Variants in TMEM165 observed in about 807,000 individuals in gnomAD.
TMEM165 encodes the protein transmembrane protein 165.
Under a neutral mutation model 30.0 loss-of-function variants are expected in TMEM165, and 19 were observed. That is an observed-to-expected ratio of 0.63 (90% CI 0.44 to 0.93). The LOEUF is 0.93. Among genes scored for constraint, TMEM165 ranks in the 40% least tolerant of loss-of-function variants. The pLI, the probability that TMEM165 is intolerant of heterozygous loss-of-function variation, is 0.00. For missense variants in TMEM165, 340 were observed against 417.0 expected, an observed-to-expected ratio of 0.82 and a Z score of 1.61; for synonymous variants, 168 against 162.9, an observed-to-expected ratio of 1.03 and a Z score of -0.24.
chr4:55,411,544 T>C, intron 1 of TMEM165, 70 bp from the exon 2 acceptor site: 1 of 1,404,160 alleles, frequency 7.1e-7, no homozygotes, highest in Non-Finnish European at 9.7e-7. Flanking sequence ...AAAAACTAAA[T>C]CTTATTTACG....
intron 1 of TMEM165, among the ~76,000 whole-genome samples, chr4:55,401,830 A>G (rs975083582): frequency 2.7e-5 from 4 of 150,130 alleles, no homozygotes; most frequent in Admixed American, 6.6e-5. Context: ...AATAAAATCA[A>G]TGAAGGCCGG....
chr4:55,450,045 A>T, intron 3 of TMEM165: 1 of 1,599,356 alleles, frequency 6.3e-7, no homozygotes, highest in Non-Finnish European at 8.6e-7. Flanking sequence ...CTAAAAGTTT[A>T]GTTAGTTACT....
chr4:55,437,603 T>A (rs185799035), intron 3 of TMEM165, among the ~76,000 whole-genome samples: 5 of 152,328 alleles, frequency 3.3e-5, no homozygotes, highest in Non-Finnish European at 5.9e-5. Context: ...CCATGTGCCT[T>A]GTCTTATATT....
intron 4 of TMEM165, among the ~76,000 whole-genome samples, chr4:55,420,394 T>G (rs968486953): frequency 4.9e-4 from 74 of 151,702 alleles, no homozygotes; most frequent in Admixed American, 4.4e-3. Context: ...GACACCCTGG[T>G]CCATTCTAGC....
chr4:55,407,139 T>C (rs1721303529), intron 1 of TMEM165, among the ~76,000 whole-genome samples: 1 of 152,200 alleles, frequency 6.6e-6, no homozygotes, highest in Non-Finnish European at 1.5e-5. Context: ...CATTAAGAGC[T>C]GGAGTTGCTG....
intron 1 of TMEM165, among the ~76,000 whole-genome samples, chr4:55,400,215 A>ATT (rs1720899694): frequency 6.0e-5 from 1 of 16,640 alleles, no homozygotes; most frequent in East Asian, 0.013. Flanking sequence ...TTATATTTAT[A>ATT]TTATATATTA....
intron 1 of TMEM165, chr4:55,399,082 A>G (rs1273069787): frequency 2.0e-5 from 3 of 152,206 alleles, no homozygotes; most frequent in Admixed American, 6.5e-5. Flanking sequence ...GGACTCTTAT[A>G]AAGTTTTTTT....
intron 3 of TMEM165, among the ~76,000 whole-genome samples, chr4:55,446,242 T>C (rs1246637346): frequency 6.6e-6 from 1 of 151,858 alleles, no homozygotes; most frequent in African/African-American, 2.4e-5. Context: ...TACAGGCATA[T>C]GCCACCATGC....
chr4:55,420,098 G>GAAAAAAAAAAAAAAAAAAAAA (rs370641089), intron 4 of TMEM165, among the ~76,000 whole-genome samples: 1 of 43,776 alleles, frequency 2.3e-5, no homozygotes, highest in Non-Finnish European at 5.2e-5. Context: ...ACTATCTTAA[G>GAAAAAAAAAAAAAAAAAAAAA]AAAAAAAAAT....
chr4:55,450,279 A>G (rs201482489), intron 3 of TMEM165: 2 of 1,611,244 alleles, frequency 1.2e-6, no homozygotes, highest in African/African-American at 1.3e-5. Context: ...TTCAGTTCAG[A>G]GATCTCAAAT....
At position 55,411,848 on chromosome 4, in the gene TMEM165, G is replaced by A; in HGVS notation, c.433+9G>A. On this transcript the variant is annotated intron_variant, in intron 2 of 5. Coordinates refer to ENST00000381334, the MANE Select transcript of TMEM165 (RefSeq NM_018475.5). ...AATGACATGCTTGTCAGGTGAGTGTGCTTTTCCCTCTCATGAGTTCGCTGA... is the reference window on the plus strand; with the variant it reads ...AATGACATGCTTGTCAGGTGAGTGTACTTTTCCCTCTCATGAGTTCGCTGA... 6.2e-7 allele frequency: 1 copy of A among 1,613,590 alleles called. No individual in the cohort carries two copies. The highest frequency in any genetic ancestry group is 8.5e-7 in the Non-Finnish European group (1 of 1,179,526).
chr4:55,423,610 A>G (rs1422098079), intron 4 of TMEM165: 1 of 152,184 alleles, frequency 6.6e-6, no homozygotes. Flanking sequence ...TTTTGTAGAG[A>G]CAAGGTCTCA....
chr4:55,451,615 ATT>A, intron 3 of TMEM165, among the ~76,000 whole-genome samples: 1 of 152,328 alleles, frequency 6.6e-6, no homozygotes, highest in South Asian at 2.1e-4. Context: ...GCTGGTGTGT[ATT>A]TTGGAAACAG....
At chr4:55,443,374 T>C (rs962751403) in intron 3 of TMEM165, among the ~76,000 whole-genome samples, 1 of 150,544 alleles carries the variant, frequency 6.6e-6, no homozygotes, top group Non-Finnish European at 1.5e-5. Flanking sequence ...ACTCGGGAGG[T>C]TGGGGCAGGA....
At chr4:55,416,497 G>A (rs1164468136) in intron 2 of TMEM165, among the ~76,000 whole-genome samples, 1 of 151,794 alleles carries the variant, frequency 6.6e-6, no homozygotes, top group African/African-American at 2.4e-5. Flanking sequence ...TGAGCCTGTT[G>A]TAACATTATT....
At chr4:55,444,253 T>C (rs12647677) in intron 3 of TMEM165, among the ~76,000 whole-genome samples, 51,355 of 152,054 alleles carry the variant, frequency 0.34, 9,373 homozygotes, top group East Asian at 0.58. Flanking sequence ...GTTGGTCATA[T>C]AAGACTAATT....
In TMEM165 at chr4:55,425,495, T is replaced by G. The variant is rs1560399368; in HGVS notation, c.*43T>G. On this transcript the variant is annotated 3_prime_UTR_variant, in exon 6 of 6. Coordinates refer to ENST00000381334, the MANE Select transcript of TMEM165 (RefSeq NM_018475.5). The stretch of plus-strand genomic sequence containing the variant: ...TATATTTAGTTTAAAATAGGTAGTA[T>G]TATCTTTCTGTACATAGTGTACATT... 13 of 1,450,820 alleles carry G rather than the reference T, an allele frequency of 9.0e-6. No homozygotes were observed. Among genetic ancestry groups the G allele is most frequent in the Middle Eastern group, 1.7e-4 (1 of 5,752 alleles). The allele number at this position is 1,450,820 out of a possible 1,614,324, so 89.9% of individuals were successfully genotyped here.
At chr4:55,416,980 T>A in intron 2 of TMEM165, 92 bp from the exon 3 acceptor site, 1 of 1,165,572 alleles carries the variant, frequency 8.6e-7, no homozygotes, top group Non-Finnish European at 1.2e-6. Flanking sequence ...CATTTTTCTT[T>A]TAACAGTGAT....
chr4:55,441,554 A>G (rs771348336), intron 3 of TMEM165, among the ~76,000 whole-genome samples: 4 of 152,222 alleles, frequency 2.6e-5, no homozygotes, highest in Non-Finnish European at 4.4e-5. Context: ...TCAGCCATAA[A>G]AAAAGAAAAA....
Sources: allele counts gnomAD v4.1 joint callset (sites outside exome capture counted in the v4.1 genomes callset), GRCh38; gene constraint gnomAD v4.1.1; transcripts MANE v1.5; gene names NCBI Gene and HGNC (gene_info 2026-07-23, HGNC 2026-07-21).